Variants in ATRNL1 observed in about 807,000 individuals in gnomAD.
ATRNL1 encodes attractin-like protein 1.
Under a neutral mutation model 182.7 loss-of-function variants are expected in ATRNL1, and 95 were observed. That is an observed-to-expected ratio of 0.52 (90% CI 0.44 to 0.62). The LOEUF is 0.62. ATRNL1 is among the 20% of genes least tolerant of loss of function. The pLI, the probability that ATRNL1 is intolerant of heterozygous loss-of-function variation, is 0.00. For synonymous variants in ATRNL1, 576 were observed against 568.3 expected (o/e 1.01, Z -0.19); for missense variants, 1,471 against 1,679.5 (o/e 0.88, Z 2.17).
intron 28 of ATRNL1, among the ~76,000 whole-genome samples, chr10:115,942,359 C>T (rs571458545): frequency 2.1e-4 from 32 of 152,328 alleles, no homozygotes; most frequent in Middle Eastern, 3.4e-3. Flanking sequence ...AGTTAGATAC[C>T]GAAATGACTC....
intron 28 of ATRNL1, among the ~76,000 whole-genome samples, chr10:115,893,647 C>T (rs1384340622): frequency 2.0e-5 from 3 of 152,090 alleles, no homozygotes; most frequent in East Asian, 1.9e-4. Context: ...GCTGAATAGC[C>T]CTGGATTCAG....
intron 27 of ATRNL1, among the ~76,000 whole-genome samples, chr10:115,805,294 G>A (rs1271274141): frequency 6.6e-6 from 1 of 152,148 alleles, no homozygotes; most frequent in Non-Finnish European, 1.5e-5. Flanking sequence ...AAAGCAAATT[G>A]TGTTGGCTTC....
intron 9 of ATRNL1, among the ~76,000 whole-genome samples, chr10:115,219,489 T>G (rs990402760): frequency 6.6e-6 from 1 of 152,172 alleles, no homozygotes; most frequent in Non-Finnish European, 1.5e-5. Flanking sequence ...AGCTGCCTAG[T>G]CATGGCAGAT....
rs543734772 is a variant in ATRNL1 at position 115,706,339 on chromosome 10, A to G, written c.3796-20909A>G. Among the ~76,000 whole-genome samples the G allele has an allele frequency of 5.3e-5, 8 of 151,996 alleles. No individual in the cohort carries two copies. The East Asian group carries it at 1.5e-3, about 29-fold the overall frequency. ...CCTATACTTCTGTTATAAGAGCACTATGATTACAGTTAGGGCCCCTCAGGA... is the reference window on the plus strand; with the variant it reads ...CCTATACTTCTGTTATAAGAGCACTGTGATTACAGTTAGGGCCCCTCAGGA... On this transcript the variant is annotated intron_variant, in intron 26 of 28. Coordinates refer to ENST00000355044, the MANE Select transcript of ATRNL1 (RefSeq NM_207303.4).
chr10:115,273,846 A>G lies in ATRNL1; in HGVS notation c.2100+5402A>G, dbSNP rs140232052. 4.1e-3 allele frequency among the ~76,000 whole-genome samples: 623 copies of G among 152,248 alleles called. 2 individuals carry two copies. The highest frequency in any genetic ancestry group is 0.013 in the African/African-American group (541 of 41,552). ...CTTCATGTAACGTAGTTGCTCCTTCAGGGCCTCCTTGAGCCTGATCATGTA... is the reference window on the plus strand; with the variant it reads ...CTTCATGTAACGTAGTTGCTCCTTCGGGGCCTCCTTGAGCCTGATCATGTA... On this transcript the variant is annotated intron_variant, in intron 13 of 28. Coordinates refer to ENST00000355044, the MANE Select transcript of ATRNL1 (RefSeq NM_207303.4).
At chr10:115,258,516 A>G (rs1383691770) in intron 10 of ATRNL1, among the ~76,000 whole-genome samples, 1 of 151,948 alleles carries the variant, frequency 6.6e-6, no homozygotes, top group Non-Finnish European at 1.5e-5. Context: ...CATTCGTCTA[A>G]TCTTTTTTTC....
intron 26 of ATRNL1, among the ~76,000 whole-genome samples, chr10:115,684,825 C>T (rs1946166038): frequency 6.6e-6 from 1 of 151,672 alleles, no homozygotes; most frequent in South Asian, 2.1e-4. Context: ...CTGTATATTA[C>T]ACACTGTATG....
At chr10:115,228,595 C>T (rs1849793747) in intron 9 of ATRNL1, among the ~76,000 whole-genome samples, 1 of 152,052 alleles carries the variant, frequency 6.6e-6, no homozygotes, top group South Asian at 2.1e-4. Flanking sequence ...TAGGTCTTTT[C>T]TTCAATTGTT....
In ATRNL1 at chr10:115,171,182, G is replaced by A. The variant is rs782126949; in HGVS notation, c.1238G>A (p.Gly413Glu). The A allele has an allele frequency of 6.2e-7, 1 of 1,611,490 alleles. No individual in the cohort carries two copies. Among genetic ancestry groups the A allele is most frequent in the East Asian group, 2.2e-5 (1 of 44,706 alleles). ...LGHGQQYAVE[G>E]HSAHIMELDS... ...CATGGTCAGCAGTATGCTGTGGAGG[G>A]ACATTCAGCACATATTATGGAGTTG... The change falls in exon 8 of 29, where the codon GGA becomes GAA. Residue 413 changes from glycine (G) to glutamate (E), a missense_variant. Physicochemically the swap from Gly to Glu is moderately conservative, Grantham distance 98. Around this residue, in one of 3 missense-constraint regions of ATRNL1, gnomAD observed 1,031 missense variants for 1,156.0 expected, o/e 0.89. Coordinates refer to ENST00000355044, the MANE Select transcript of ATRNL1 (RefSeq NM_207303.4).
chr10:115,910,356 A>G (rs72832833), intron 28 of ATRNL1, among the ~76,000 whole-genome samples: 36,428 of 151,956 alleles, frequency 0.24, 4,822 homozygotes, highest in African/African-American at 0.35. Context: ...ATGAATTTTT[A>G]ATAAGTGGTG....
intron 9 of ATRNL1, among the ~76,000 whole-genome samples, chr10:115,232,460 TGTTA>T (rs781880781): frequency 2.6e-5 from 4 of 152,232 alleles, no homozygotes; most frequent in Non-Finnish European, 4.4e-5. Context: ...AATAATTTTT[TGTTA>T]GTTTTATATT....
intron 27 of ATRNL1, among the ~76,000 whole-genome samples, chr10:115,746,681 T>C (rs889709130): frequency 6.6e-6 from 1 of 152,012 alleles, no homozygotes; most frequent in African/African-American, 2.4e-5. Flanking sequence ...TTTTTCTCAC[T>C]GGGAAGCTCA....
intron 26 of ATRNL1, among the ~76,000 whole-genome samples, chr10:115,664,484 A>G (rs189731128): frequency 1.3e-5 from 2 of 152,170 alleles, no homozygotes; most frequent in Non-Finnish European, 2.9e-5. Flanking sequence ...ATTTGTGTTC[A>G]AGATGAGTCA....
At chr10:115,752,319 T>C (rs1366522173) in intron 27 of ATRNL1, among the ~76,000 whole-genome samples, 1 of 151,954 alleles carries the variant, frequency 6.6e-6, no homozygotes, top group Non-Finnish European at 1.5e-5. Flanking sequence ...CACTTCCACC[T>C]AGGAGAATAA....
At chr10:115,458,003 T>C (rs1389253991) in intron 21 of ATRNL1, among the ~76,000 whole-genome samples, 3 of 152,184 alleles carry the variant, frequency 2.0e-5, no homozygotes, top group Admixed American at 6.6e-5. Context: ...CAATAAATTA[T>C]TTGAATTGAT....
At chr10:115,385,557 T>A (rs1175731756) in intron 19 of ATRNL1, among the ~76,000 whole-genome samples, 2 of 152,186 alleles carry the variant, frequency 1.3e-5, no homozygotes, top group Non-Finnish European at 2.9e-5. Context: ...AACGAAGATG[T>A]TTTAAAGTAG....
chr10:115,443,211 A>T (rs910585391), intron 21 of ATRNL1, among the ~76,000 whole-genome samples: 1 of 151,990 alleles, frequency 6.6e-6, no homozygotes, highest in Non-Finnish European at 1.5e-5. Context: ...GATATCATCA[A>T]ATTATTCTGT....
intron 17 of ATRNL1, among the ~76,000 whole-genome samples, chr10:115,307,088 T>G (rs1853773152): frequency 6.6e-6 from 1 of 152,208 alleles, no homozygotes; most frequent in Non-Finnish European, 1.5e-5. Context: ...CTTCATTGTC[T>G]ACTTCTACCA....
intron 26 of ATRNL1, among the ~76,000 whole-genome samples, chr10:115,666,091 C>T (rs1469085929): frequency 2.0e-5 from 3 of 151,972 alleles, no homozygotes; most frequent in African/African-American, 7.2e-5. Context: ...TCAAAGGACA[C>T]CTGTAAGAAA....
Sources: allele counts gnomAD v4.1 joint callset (sites outside exome capture counted in the v4.1 genomes callset), GRCh38; gene constraint gnomAD v4.1.1; regional missense constraint gnomAD v4.1.1; transcripts MANE v1.5; gene names NCBI Gene and HGNC (gene_info 2026-07-23, HGNC 2026-07-21).